The following MTUS2 variants were observed in gnomAD, a reference collection of about 807,000 sequenced individuals.
MTUS2 encodes the protein microtubule associated scaffold protein 2, also known as microtubule-associated tumor suppressor candidate 2.
In MTUS2, 40 loss-of-function variants were observed where a neutral mutation model predicts 114.1. That is an observed-to-expected ratio of 0.35 (90% CI 0.27 to 0.46). The LOEUF (loss-of-function observed/expected upper bound fraction) is 0.46, where lower values mean the gene tolerates loss of function less well. Among genes scored for constraint, MTUS2 ranks in the 20% least tolerant of loss-of-function variants. The pLI is 1.00. For synonymous variants in MTUS2, 688 were observed against 672.0 expected (o/e 1.02, Z -0.37); for missense variants, 1,679 against 1,705.4 (o/e 0.98, Z 0.27).
intron 2 of MTUS2, among the ~76,000 whole-genome samples, chr13:28,878,734 A>G (rs369446738): frequency 6.6e-6 from 1 of 152,146 alleles, no homozygotes; most frequent in African/African-American, 2.4e-5. Flanking sequence ...TCTATCATTG[A>G]TGGGCATTTG....
In MTUS2 at chr13:29,127,050, T is replaced by C. The variant is rs755811612; in HGVS notation, c.2644+26080T>C. Among the ~76,000 whole-genome samples, 3 of 152,326 alleles carry C rather than the reference T, an allele frequency of 2.0e-5. No homozygotes were observed. The South Asian group carries it at 6.2e-4, about 32-fold the overall frequency. ...CTCTCCGTCTGGGCTCCTGGGTGTCTCTTGTGTACCCACATGCGTCTTGCT... is the reference window on the plus strand; with the variant it reads ...CTCTCCGTCTGGGCTCCTGGGTGTCCCTTGTGTACCCACATGCGTCTTGCT... On this transcript the variant is annotated intron_variant, in intron 5 of 15. Transcript: ENST00000612955.
intron 9 of MTUS2, among the ~76,000 whole-genome samples, chr13:29,465,065 A>G (rs1370727619): frequency 6.6e-6 from 1 of 152,112 alleles, no homozygotes; most frequent in African/African-American, 2.4e-5. Flanking sequence ...AATCACACCT[A>G]CTTCACAGAA....
intron 8 of MTUS2, among the ~76,000 whole-genome samples, chr13:29,427,832 A>G (rs943875216): frequency 6.6e-6 from 1 of 152,256 alleles, no homozygotes; most frequent in African/African-American, 2.4e-5. Flanking sequence ...GAGGGGTATC[A>G]GGGCATATAA....
chr13:29,289,463 T>TC (rs1347936304), intron 6 of MTUS2, among the ~76,000 whole-genome samples: 1 of 109,788 alleles, frequency 9.1e-6, no homozygotes, highest in Non-Finnish European at 1.9e-5. Flanking sequence ...AGTAGGCATT[T>TC]CTTTTTTTTT....
chr13:29,361,319 CAACCAGT>C (rs1870232365), intron 8 of MTUS2, among the ~76,000 whole-genome samples: 1 of 152,210 alleles, frequency 6.6e-6, no homozygotes, highest in Admixed American at 6.5e-5. Flanking sequence ...CAGTAAATCA[CAACCAGT>C]AACTCCAAAT....
chr13:29,116,505 A>G (rs1891090594), intron 5 of MTUS2, among the ~76,000 whole-genome samples: 1 of 152,222 alleles, frequency 6.6e-6, no homozygotes. Context: ...GATGGTACCA[A>G]AGGATACATA....
intron 1 of MTUS2, among the ~76,000 whole-genome samples, chr13:28,831,396 A>C (rs1360388958): frequency 2.0e-5 from 3 of 152,228 alleles, no homozygotes; most frequent in African/African-American, 7.2e-5. Context: ...TATGCCATTC[A>C]CCACACTCAC....
At chr13:29,194,497 C>T (rs1317396858) in intron 5 of MTUS2, among the ~76,000 whole-genome samples, 2 of 152,174 alleles carry the variant, frequency 1.3e-5, no homozygotes, top group Non-Finnish European at 2.9e-5. Context: ...TGAAAAAATG[C>T]TCACCATCAC....
rs184081625 is a variant in MTUS2 at position 29,324,374 on chromosome 13, A to G, written c.2807-239A>G. Among the ~76,000 whole-genome samples, 863 of 152,278 alleles carry G rather than the reference A, an allele frequency of 5.7e-3. 6 individuals are homozygous for G. Among genetic ancestry groups the G allele is most frequent in the Non-Finnish European group, 9.7e-3 (659 of 68,026 alleles). On this transcript the variant is annotated intron_variant, in intron 6 of 15. Coordinates refer to ENST00000612955, the MANE Select transcript of MTUS2 (RefSeq NM_001033602.4). ...CAGAGAAGGGGGCGTTTTTCATCAA[A>G]TCAGAGACAGCAGTGTCCTTACTTC...
chr13:29,097,112 A>T (rs568729586), intron 4 of MTUS2, among the ~76,000 whole-genome samples: 41 of 150,946 alleles, frequency 2.7e-4, no homozygotes, highest in African/African-American at 9.3e-4. Context: ...AGGAGAGGAA[A>T]CCCATCCTTT....
intron 4 of MTUS2, among the ~76,000 whole-genome samples, chr13:29,057,113 T>C (rs1888169804): frequency 6.6e-6 from 1 of 152,060 alleles, no homozygotes; most frequent in Non-Finnish European, 1.5e-5. Flanking sequence ...ATTGTATGGT[T>C]TTGAGCTTAG....
At chr13:29,282,039 A>G (rs555264002) in intron 6 of MTUS2, among the ~76,000 whole-genome samples, 174 bp downstream of exon 6, 1 of 152,350 alleles carries the variant, frequency 6.6e-6, no homozygotes, top group Non-Finnish European at 1.5e-5. Flanking sequence ...TCATGTTTAA[A>G]TTCTCGTAAC....
At chr13:28,909,836 C>A (rs570256270) in intron 2 of MTUS2, among the ~76,000 whole-genome samples, 10 of 152,238 alleles carry the variant, frequency 6.6e-5, no homozygotes, top group Admixed American at 5.2e-4. Context: ...GAAAGTCTCA[C>A]GATACAAAAT....
intron 3 of MTUS2, among the ~76,000 whole-genome samples, chr13:29,029,037 G>A (rs1886693165): frequency 6.6e-6 from 1 of 152,334 alleles, no homozygotes; most frequent in South Asian, 2.1e-4. Context: ...ATTCTCGGCA[G>A]CAGACATTGA....
chr13:29,475,803 A>C (rs937455460), intron 9 of MTUS2, among the ~76,000 whole-genome samples: 9 of 152,270 alleles, frequency 5.9e-5, no homozygotes, highest in Non-Finnish European at 1.5e-5. Flanking sequence ...AAAATCAAAA[A>C]GTTTGTCAAG....
chr13:29,026,895 T>C lies in MTUS2; in HGVS notation c.2197T>C (p.Leu733=). Residue 733 remains leucine (L), a synonymous_variant, in exon 3 of 16, where the codon TTG becomes CTG. Transcript: ENST00000612955. The part of the protein sequence containing the change: ...HPFSQMSEKF[L]QEVTDHPGKE... ...TTTCAGTCAAATGAGTGAAAAGTTT[T>C]TGCAGGAGGTAAGAGAATGTCATTA... 6.3e-7 allele frequency: 1 copy of C among 1,590,312 alleles called. No homozygotes were observed. The highest frequency in any genetic ancestry group is 1.1e-5 in the South Asian group (1 of 89,132).
At chr13:29,452,861 A>G (rs1878823600) in intron 9 of MTUS2, among the ~76,000 whole-genome samples, 1 of 152,184 alleles carries the variant, frequency 6.6e-6, no homozygotes, top group Non-Finnish European at 1.5e-5. Flanking sequence ...AGCTTCTGGA[A>G]ACAGAGTCAG....
Position 29,025,601 on chromosome 13 carries a change from A to G in MTUS2, c.903A>G (p.Leu301=). ...TCCCAAGTAAACTGGAAGCACAATT[A>G]GGTCAGGGAAAGGGAGAGGCCAAGC... ...KEIPSKLEAQ[L]GQGKGEAKLD... is the part of the protein sequence containing the mutation. Residue 301 remains leucine (L), a synonymous_variant, in exon 3 of 16, where the codon TTA becomes TTG. Transcript: ENST00000612955. 6.2e-7 allele frequency: 1 copy of G among 1,614,024 alleles called. No homozygotes were observed. The highest frequency in any genetic ancestry group is 1.1e-5 in the South Asian group (1 of 91,076).
At chr13:29,160,351 TTA>T (rs1245324745) in intron 5 of MTUS2, among the ~76,000 whole-genome samples, 1 of 152,256 alleles carries the variant, frequency 6.6e-6, no homozygotes, top group Admixed American at 6.5e-5. Context: ...CTAGCTTACT[TTA>T]TTGTGAGAAT....
Sources: gnomAD v4.1 joint callset for allele counts (sites outside exome capture counted in the v4.1 genomes callset) on GRCh38, gnomAD v4.1.1 for gene constraint, MANE v1.5 for transcripts, NCBI Gene and HGNC (gene_info 2026-07-23, HGNC 2026-07-21) for gene names.